The following FSTL5 variants were observed in gnomAD, a reference collection of about 807,000 sequenced individuals.
FSTL5 encodes follistatin-related protein 5.
Under a neutral mutation model 89.1 loss-of-function variants are expected in FSTL5, and 62 were observed. That is an observed-to-expected ratio of 0.70 (90% CI 0.57 to 0.86). The LOEUF (loss-of-function observed/expected upper bound fraction) is 0.86. Among genes scored for constraint, FSTL5 ranks in the 40% least tolerant of loss-of-function variants. The pLI is 0.00. For synonymous variants in FSTL5, 383 were observed against 346.2 expected (o/e 1.11, Z -1.18); for missense variants, 1,057 against 1,001.6 (o/e 1.06, Z -0.75).
chr4:161,815,182 A>G (rs1269138455), intron 4 of FSTL5, among the ~76,000 whole-genome samples: 1 of 152,042 alleles, frequency 6.6e-6, no homozygotes, highest in Non-Finnish European at 1.5e-5. Flanking sequence ...TTTTAAATTT[A>G]AATTCAAATG....
At chr4:161,490,057 G>A (rs1729810747) in intron 12 of FSTL5, among the ~76,000 whole-genome samples, 1 of 151,930 alleles carries the variant, frequency 6.6e-6, no homozygotes, top group African/African-American at 2.4e-5. Flanking sequence ...GAATTCTGTT[G>A]AAATAAAAAT....
intron 14 of FSTL5, among the ~76,000 whole-genome samples, chr4:161,457,266 G>T (rs1733387069): frequency 1.3e-5 from 2 of 151,942 alleles, no homozygotes; most frequent in Non-Finnish European, 2.9e-5. Flanking sequence ...AAATCTTCTT[G>T]TGTATACCTT....
intron 4 of FSTL5, among the ~76,000 whole-genome samples, chr4:161,919,473 T>G (rs1032013638): frequency 2.6e-5 from 4 of 152,188 alleles, no homozygotes; most frequent in African/African-American, 9.7e-5. Context: ...TCAATTTACC[T>G]TAATAGGTGG....
chr4:162,163,703 G>T lies in FSTL5; in HGVS notation c.-105C>A, dbSNP rs183880381. The T allele has an allele frequency of 1.8e-3, 277 of 150,534 alleles. No homozygotes were observed. Among genetic ancestry groups the T allele is most frequent in the African/African-American group, 6.6e-3 (269 of 41,066 alleles). The allele number at this position is 150,534 out of a possible 1,614,324, so 9.3% of individuals were successfully genotyped here. ...CAATAAAAAAAAAAAACTCTCAAAA[G>T]ATCGTCTTAGCTGGGGAAAAAAAAA... is the stretch of plus-strand genomic sequence containing the variant. On this transcript the variant is annotated 5_prime_UTR_variant, in exon 1 of 16. Coordinates refer to ENST00000306100, the MANE Select transcript of FSTL5 (RefSeq NM_020116.5).
At chr4:161,553,497 T>C (rs894784798) in intron 8 of FSTL5, among the ~76,000 whole-genome samples, 1 of 151,492 alleles carries the variant, frequency 6.6e-6, no homozygotes, top group Non-Finnish European at 1.5e-5. Context: ...CTGAGCATAA[T>C]ACATTGTGCT....
chr4:161,753,814 G>T (rs995415986), intron 6 of FSTL5, among the ~76,000 whole-genome samples: 10 of 151,958 alleles, frequency 6.6e-5, no homozygotes, highest in African/African-American at 2.4e-4. Flanking sequence ...AGGCCGAGGC[G>T]GGTGGATTAT....
chr4:161,681,639 A>G (rs528121801), intron 6 of FSTL5, among the ~76,000 whole-genome samples: 347 of 152,224 alleles, frequency 2.3e-3, no homozygotes, highest in Non-Finnish European at 3.9e-3. Flanking sequence ...AGGAATATAT[A>G]TAGTTTATTT....
At chr4:161,852,342 T>C (rs1354446723) in intron 4 of FSTL5, among the ~76,000 whole-genome samples, 1 of 152,166 alleles carries the variant, frequency 6.6e-6, no homozygotes, top group Non-Finnish European at 1.5e-5. Flanking sequence ...AACCATTGCA[T>C]GCATCCTACT....
In FSTL5 at chr4:161,729,076, C is replaced by G. The variant is rs1041437187; in HGVS notation, c.727+30335G>C. On this transcript the variant is annotated intron_variant, in intron 6 of 15. Coordinates refer to ENST00000306100, the MANE Select transcript of FSTL5 (RefSeq NM_020116.5). ...CCAACTCTTCCTGAGGCCAGCTGAG[C>G]CTGACTCTTACCTCTTGGCTCTCAA... 2.0e-5 allele frequency among the ~76,000 whole-genome samples: 3 copies of G among 152,188 alleles called. No individual in the cohort carries two copies. The South Asian group carries it at 6.2e-4, about 32-fold the overall frequency.
At position 161,845,198 on chromosome 4, in the gene FSTL5, T is replaced by C. The variant is rs199689743; in HGVS notation, c.410-69124A>G. On this transcript the variant is annotated intron_variant, in intron 4 of 15. Coordinates refer to ENST00000306100, the MANE Select transcript of FSTL5 (RefSeq NM_020116.5). ...TTAGCATTACTGGCTATTAGATTAA[T>C]GCACTCTTCTCAGTTTTGATAACTG... is the stretch of plus-strand genomic sequence containing the variant. 5.9e-5 allele frequency among the ~76,000 whole-genome samples: 9 copies of C among 152,332 alleles called. No individual in the cohort carries two copies. The East Asian group carries it at 7.7e-4, about 13-fold the overall frequency.
chr4:161,407,038 T>C (rs1011054621), intron 15 of FSTL5, among the ~76,000 whole-genome samples: 1 of 152,144 alleles, frequency 6.6e-6, no homozygotes, highest in Non-Finnish European at 1.5e-5. Context: ...ATTCCTGGAA[T>C]TGGGGTAAAG....
intron 7 of FSTL5, among the ~76,000 whole-genome samples, chr4:161,651,156 C>T (rs1024324980): frequency 6.6e-6 from 1 of 151,968 alleles, no homozygotes; most frequent in Non-Finnish European, 1.5e-5. Context: ...GGAACCAAAT[C>T]AAAATAAGGC....
intron 3 of FSTL5, among the ~76,000 whole-genome samples, chr4:162,012,366 T>G (rs1182106830): frequency 6.6e-6 from 1 of 152,238 alleles, no homozygotes; most frequent in Admixed American, 6.5e-5. Flanking sequence ...GTTCAGGTTA[T>G]TAGAATTTTA....
At chr4:162,156,505 A>G (rs575487581) in intron 1 of FSTL5, among the ~76,000 whole-genome samples, 5 of 152,276 alleles carry the variant, frequency 3.3e-5, no homozygotes, top group Non-Finnish European at 7.4e-5. Flanking sequence ...GTGTTTATCA[A>G]TGGTAGATTG....
At chr4:161,494,969 G>A (rs993004265) in intron 12 of FSTL5, among the ~76,000 whole-genome samples, 1 of 152,088 alleles carries the variant, frequency 6.6e-6, no homozygotes, top group African/African-American at 2.4e-5. Flanking sequence ...GGCTAAGGTA[G>A]AAGGATCACT....
chr4:162,144,167 G>A (rs1252351694), intron 1 of FSTL5, among the ~76,000 whole-genome samples: 2 of 152,106 alleles, frequency 1.3e-5, no homozygotes, highest in Admixed American at 6.6e-5. Context: ...TGGTCTGCGG[G>A]AGATAAACAA....
chr4:162,109,493 A>G (rs1182014271), intron 2 of FSTL5, among the ~76,000 whole-genome samples: 1 of 152,130 alleles, frequency 6.6e-6, no homozygotes, highest in Non-Finnish European at 1.5e-5. Flanking sequence ...CCATAAAGAC[A>G]TACAGATATA....
Position 161,759,421 on chromosome 4 carries a change from A to G in FSTL5, c.717T>C (p.Tyr239=). The G allele has an allele frequency of 6.3e-7, 1 of 1,591,968 alleles. No homozygotes were observed. Among genetic ancestry groups the G allele is most frequent in the Non-Finnish European group, 8.5e-7 (1 of 1,171,338 alleles). Residue 239 remains tyrosine, a synonymous_variant, in exon 6 of 16, where the codon TAT becomes TAC. Coordinates refer to ENST00000306100, the MANE Select transcript of FSTL5 (RefSeq NM_020116.5). ...GAATCTTGTACTCACGGAATGCTCT[A>G]TAAAATTCTTCAAGAGCCAGGTGCT... is the stretch of plus-strand genomic sequence containing the variant. ...ADKHLALEEF[Y]RAFQVIQLSL...
chr4:161,764,596 T>C (rs1182502731), intron 5 of FSTL5, among the ~76,000 whole-genome samples: 3 of 152,136 alleles, frequency 2.0e-5, no homozygotes, highest in Middle Eastern at 3.4e-3. Context: ...TGGAAATAAT[T>C]ACATTTTCTT....
Sources: gnomAD v4.1 joint callset for allele counts (sites outside exome capture counted in the v4.1 genomes callset) on GRCh38, gnomAD v4.1.1 for gene constraint, MANE v1.5 for transcripts, NCBI Gene and HGNC (gene_info 2026-07-23, HGNC 2026-07-21) for gene names.